CYRIA: variants seen among roughly 807,000 people sequenced by gnomAD.
CYRIA encodes CYFIP-related Rac1 interactor A.
CYRIA carries 15 observed loss-of-function variants against 43.9 expected under a neutral mutation model. The ratio of observed to expected loss-of-function variants is 0.34; its 90% CI spans 0.23 to 0.53. CYRIA has a LOEUF of 0.53. Ranked by LOEUF, CYRIA falls within the 20% of genes least tolerant of loss-of-function variation. CYRIA has a pLI of 0.94. For synonymous variants in CYRIA, 117 were observed against 136.0 expected (o/e 0.86, Z 0.97); for missense variants, 236 against 394.2 (o/e 0.60, Z 3.40).
chr2:16,630,982 C>T (rs932576000), intron 1 of CYRIA, among the ~76,000 whole-genome samples: 25 of 152,156 alleles, frequency 1.6e-4, no homozygotes, highest in Non-Finnish European at 5.9e-5. Flanking sequence ...CCTGACCACC[C>T]CCAGGTGATG....
At position 16,561,994 on chromosome 2, in the gene CYRIA, T is replaced by C. The variant is rs1558402368; in HGVS notation, c.435+11A>G. 6.2e-7 allele frequency: 1 copy of C among 1,609,554 alleles called. No homozygotes were observed. The highest frequency in any genetic ancestry group is 8.5e-7 in the Non-Finnish European group (1 of 1,177,842). On this transcript the variant is annotated intron_variant, in intron 6 of 11. Transcript: ENST00000381323. ...AAGTTTATTAAATTTTCACAGCACA[T>C]TTGGCCTAACCTTCAGCTCATCGAA...
intron 4 of CYRIA, 39 bp downstream of exon 4, chr2:16,565,607 T>C: frequency 1.3e-6 from 2 of 1,501,720 alleles, no homozygotes; most frequent in Non-Finnish European, 1.8e-6. Flanking sequence ...TTCCTTCCCC[T>C]CCTCGGGTGT....
intron 2 of CYRIA, among the ~76,000 whole-genome samples, chr2:16,619,918 A>G (rs776563272): frequency 5.3e-5 from 8 of 152,224 alleles, no homozygotes; most frequent in Admixed American, 1.3e-4. Context: ...TGCCCAAATC[A>G]TATGGCTCCT....
At chr2:16,661,774 G>C (rs550695347) in intron 1 of CYRIA, among the ~76,000 whole-genome samples, 1 of 152,152 alleles carries the variant, frequency 6.6e-6, no homozygotes, top group Non-Finnish European at 1.5e-5. Context: ...ACGGCACAAA[G>C]AGCAAGCAGA....
chr2:16,565,816 C>G (rs746989999), intron 3 of CYRIA, 49 bp from the exon 4 acceptor site: 8 of 1,478,400 alleles, frequency 5.4e-6, no homozygotes, highest in Non-Finnish European at 7.3e-6. Flanking sequence ...TTACAAATAG[C>G]TTGGGAGGAG....
intron 5 of CYRIA, among the ~76,000 whole-genome samples, chr2:16,563,619 A>G (rs1666827881): frequency 6.6e-6 from 1 of 152,184 alleles, no homozygotes; most frequent in African/African-American, 2.4e-5. Context: ...TAAATTTATC[A>G]TATGACTCCA....
chr2:16,644,561 T>G (rs1021707105), intron 1 of CYRIA, among the ~76,000 whole-genome samples: 1 of 152,214 alleles, frequency 6.6e-6, no homozygotes, highest in Admixed American at 6.5e-5. Flanking sequence ...CTGTTGTCTG[T>G]CAAAGCTTCC....
intron 2 of CYRIA, among the ~76,000 whole-genome samples, chr2:16,605,683 G>C (rs1668372809): frequency 6.6e-6 from 1 of 152,208 alleles, no homozygotes; most frequent in South Asian, 2.1e-4. Flanking sequence ...GAAAGTAAAA[G>C]GGAACACCTA....
chr2:16,604,032 TG>T (rs1399116417), intron 2 of CYRIA, among the ~76,000 whole-genome samples: 1 of 152,226 alleles, frequency 6.6e-6, no homozygotes, highest in Non-Finnish European at 1.5e-5. Context: ...TGTGTGGGGC[TG>T]GGAGCAGAGC....
chr2:16,560,796 G>T (rs1666698056), intron 9 of CYRIA, 194 bp downstream of exon 9: 2 of 595,170 alleles, frequency 3.4e-6, no homozygotes, highest in South Asian at 2.0e-5. Context: ...AACCACTTTG[G>T]GCCTCAGCTT....
chr2:16,660,954 A>G (rs1670236805), intron 1 of CYRIA, among the ~76,000 whole-genome samples: 1 of 152,222 alleles, frequency 6.6e-6, no homozygotes, highest in Non-Finnish European at 1.5e-5. Flanking sequence ...TACCCAAGAA[A>G]GGCTAATGAG....
intron 3 of CYRIA, among the ~76,000 whole-genome samples, chr2:16,587,823 C>G (rs893862599): frequency 7.2e-5 from 11 of 152,204 alleles, no homozygotes; most frequent in Admixed American, 6.5e-4. Flanking sequence ...TACTGTTCCA[C>G]TATGATTGTG....
intron 2 of CYRIA, among the ~76,000 whole-genome samples, chr2:16,601,194 A>G (rs1175644947): frequency 6.6e-6 from 1 of 152,136 alleles, no homozygotes. Flanking sequence ...AGGAAAAGAG[A>G]AAATTATGTG....
At chr2:16,656,218 C>A (rs1670107748) in intron 1 of CYRIA, among the ~76,000 whole-genome samples, 1 of 152,032 alleles carries the variant, frequency 6.6e-6, no homozygotes, top group Non-Finnish European at 1.5e-5. Flanking sequence ...CACTCACAAA[C>A]TGCACACACA....
rs749362007 is a variant in CYRIA, at chr2:16,559,450, C to A, written c.837+10G>T. 5.6e-6 allele frequency: 9 copies of A among 1,610,796 alleles called. No homozygotes were observed. The African/African-American group carries it at 1.1e-4, about 19-fold the overall frequency. ...CTTATTTGGAAAGCACATTTCACAA[C>A]TATTCTTACATCGATCTTGGATGTC... On this transcript the variant is annotated intron_variant, in intron 10 of 11. Transcript: ENST00000381323.
chr2:16,565,821 G>A, intron 3 of CYRIA, 54 bp from the exon 4 acceptor site: 3 of 1,462,038 alleles, frequency 2.1e-6, no homozygotes, highest in East Asian at 2.4e-5. Context: ...AATAGCTTGG[G>A]AGGAGGATGG....
chr2:16,628,180 A>T (rs1194068490), intron 1 of CYRIA, among the ~76,000 whole-genome samples: 1 of 147,992 alleles, frequency 6.8e-6, no homozygotes, highest in Non-Finnish European at 1.5e-5. Flanking sequence ...AACAACAGCC[A>T]CCATTTGTTG....
At chr2:16,581,260 G>A (rs902568624) in intron 3 of CYRIA, among the ~76,000 whole-genome samples, 5 of 151,964 alleles carry the variant, frequency 3.3e-5, no homozygotes, top group East Asian at 1.9e-4. Flanking sequence ...ATACAAAGAC[G>A]AACAACCTAA....
rs5829554 is a variant in CYRIA at position 16,549,987 on chromosome 2, G to GTTTTTTTTT, written c.*2940_*2948dup. The GTTTTTTTTT allele has an allele frequency of 7.2e-6, 1 of 138,594 alleles. No individual in the cohort carries two copies. The allele number at this position is 138,594 out of a possible 1,614,324, so 8.6% of individuals were successfully genotyped here. On this transcript the variant is annotated 3_prime_UTR_variant, in exon 12 of 12. Coordinates refer to ENST00000381323, the MANE Select transcript of CYRIA (RefSeq NM_030797.4). ...AATGTGAAGACATCCATTTCCAGTT[G>GTTTTTTTTT]TTTTTTTTTTTTGTTATTGTTTTTT...
Sources: gnomAD v4.1 joint callset for allele counts (sites outside exome capture counted in the v4.1 genomes callset) on GRCh38, gnomAD v4.1.1 for gene constraint, MANE v1.5 for transcripts, NCBI Gene and HGNC (gene_info 2026-07-23, HGNC 2026-07-21) for gene names.